The following MYH15 variants were observed in gnomAD, a reference collection of about 807,000 sequenced individuals.
MYH15 encodes myosin-15.
MYH15 carries 227 observed loss-of-function variants against 240.5 expected under a neutral mutation model. The ratio of observed to expected loss-of-function variants is 0.94; its 90% CI spans 0.85 to 1.05. MYH15 has a LOEUF of 1.05. MYH15 is among the 50% of genes least tolerant of loss of function. MYH15 has a pLI of 0.00. For missense variants in MYH15, 2,217 were observed against 2,247.5 expected (o/e 0.99, Z 0.27); for synonymous variants, 785 against 796.7 (o/e 0.99, Z 0.25).
chr3:108,529,004 G>T (rs1275159200), intron 1 of MYH15, among the ~76,000 whole-genome samples: 2 of 152,190 alleles, frequency 1.3e-5, no homozygotes, highest in African/African-American at 4.8e-5. Context: ...GAAGTTGTGT[G>T]TTGGGGACTG....
chr3:108,405,585 C>G, intron 32 of MYH15, 132 bp from the exon 33 acceptor site: 1 of 432,160 alleles, frequency 2.3e-6, no homozygotes, highest in Non-Finnish European at 4.1e-6. Flanking sequence ...AGCCAGGTCC[C>G]TAGAGATTGC....
intron 25 of MYH15, among the ~76,000 whole-genome samples, chr3:108,433,494 G>T (rs2082798425): frequency 6.6e-6 from 1 of 152,176 alleles, no homozygotes; most frequent in South Asian, 2.1e-4. Flanking sequence ...TGAGATTTGA[G>T]AGGGGCCAGG....
intron 37 of MYH15, 35 bp downstream of exon 37, chr3:108,391,725 G>A: frequency 6.3e-7 from 1 of 1,589,300 alleles, no homozygotes; most frequent in Non-Finnish European, 8.6e-7. Flanking sequence ...TTGAATTGGG[G>A]ACTGTCAAGC....
chr3:108,496,435 C>T (rs1363654430), intron 6 of MYH15, among the ~76,000 whole-genome samples: 2 of 152,192 alleles, frequency 1.3e-5, no homozygotes, highest in Admixed American at 6.5e-5. Context: ...ATCTACCTAT[C>T]TACCATATCT....
intron 21 of MYH15, among the ~76,000 whole-genome samples, chr3:108,445,885 C>G (rs1474627468): frequency 1.3e-5 from 2 of 152,034 alleles, no homozygotes; most frequent in African/African-American, 4.8e-5. Context: ...AAAAACATAG[C>G]AGTTGGAATC....
intron 1 of MYH15, among the ~76,000 whole-genome samples, chr3:108,510,147 C>T (rs1485157539): frequency 1.3e-5 from 2 of 152,148 alleles, no homozygotes; most frequent in African/African-American, 4.8e-5. Flanking sequence ...TCTGGCCATT[C>T]CTGCAGGTGT....
chr3:108,453,867 C>T, intron 21 of MYH15, 139 bp downstream of exon 21: 1 of 786,302 alleles, frequency 1.3e-6, no homozygotes, highest in Non-Finnish European at 1.9e-6. Context: ...CTTTTGTTAT[C>T]TCATGATTTA....
At chr3:108,500,337 C>T in intron 3 of MYH15, 63 bp from the exon 4 acceptor site, 1 of 1,516,746 alleles carries the variant, frequency 6.6e-7, no homozygotes, top group Non-Finnish European at 8.9e-7. Flanking sequence ...TTTGTCAGCT[C>T]TTCCAGTGTC....
upstream of MYH15, among the ~76,000 whole-genome samples, chr3:108,531,791 A>AATAAATAC (rs1431819818): frequency 3.3e-5 from 5 of 151,326 alleles, no homozygotes; most frequent in Middle Eastern, 6.9e-3. Context: ...TAAATAAATA[A>AATAAATAC]ATAAATAAAT....
At chr3:108,526,832 A>G (rs2083676223) in intron 1 of MYH15, among the ~76,000 whole-genome samples, 1 of 152,106 alleles carries the variant, frequency 6.6e-6, no homozygotes, top group Non-Finnish European at 1.5e-5. Context: ...GTGGCTGAGG[A>G]AAAGGGTGAG....
chr3:108,407,080 A>G (rs1326496304), intron 32 of MYH15, among the ~76,000 whole-genome samples: 3 of 152,224 alleles, frequency 2.0e-5, no homozygotes, highest in Non-Finnish European at 2.9e-5. Context: ...CCACACTGCC[A>G]ACGAAAAGGA....
intron 1 of MYH15, among the ~76,000 whole-genome samples, chr3:108,522,877 T>C (rs765378257): frequency 2.6e-5 from 4 of 152,044 alleles, no homozygotes; most frequent in Non-Finnish European, 1.5e-5. Flanking sequence ...TAGAATGTAT[T>C]AGGTGATACA....
At chr3:108,520,133 G>T (rs540511014) in intron 1 of MYH15, among the ~76,000 whole-genome samples, 105 of 152,220 alleles carry the variant, frequency 6.9e-4, no homozygotes, top group Non-Finnish European at 9.7e-4. Flanking sequence ...GTCTAGCAGG[G>T]ACCAAGACTT....
In MYH15 at chr3:108,444,773, ACTT is replaced by A. The variant is rs751136504; in HGVS notation, c.2519_2521del (p.Glu840del). 3.8e-5 allele frequency: 61 copies of A among 1,613,898 alleles called. No homozygotes were observed. The highest frequency in any genetic ancestry group is 1.9e-4 in the South Asian group (17 of 91,088). ...TGCACACTCTTCCTTCAGTCCAGCT[ACTT>A]CTTCTCCTACTTCTGAAGATTTAAC... On this transcript the variant is annotated inframe_deletion, in exon 22 of 41. Coordinates refer to ENST00000693548, the MANE Select transcript of MYH15 (RefSeq NM_014981.3).
At chr3:108,479,174 T>C (rs1476574978) in intron 11 of MYH15, among the ~76,000 whole-genome samples, 1 of 152,232 alleles carries the variant, frequency 6.6e-6, no homozygotes, top group Admixed American at 6.5e-5. Context: ...GTTGTAAAGA[T>C]AGCAATATGT....
At chr3:108,446,586 T>G (rs1325615340) in intron 21 of MYH15, among the ~76,000 whole-genome samples, 1 of 152,052 alleles carries the variant, frequency 6.6e-6, no homozygotes, top group Non-Finnish European at 1.5e-5. Context: ...AAAGCACCAG[T>G]AACCATCCCT....
chr3:108,472,811 A>G (rs907408687), intron 12 of MYH15, among the ~76,000 whole-genome samples: 1 of 152,160 alleles, frequency 6.6e-6, no homozygotes, highest in East Asian at 1.9e-4. Flanking sequence ...TTGCTCACTA[A>G]TTAATCATTT....
chr3:108,395,200 CG>C (rs2082450696), intron 35 of MYH15, among the ~76,000 whole-genome samples: 1 of 152,120 alleles, frequency 6.6e-6, no homozygotes. Flanking sequence ...GCCTGGGAGG[CG>C]GGGGTTGCAG....
At chr3:108,396,375 TC>T (rs35715511) in intron 35 of MYH15, among the ~76,000 whole-genome samples, 108,613 of 152,052 alleles carry the variant, frequency 0.71, 39,203 homozygotes, top group Middle Eastern at 0.78. Context: ...ATGAAACTGT[TC>T]CACCTCAGAT....
Sources: gnomAD v4.1 joint callset for allele counts (sites outside exome capture counted in the v4.1 genomes callset) on GRCh38, gnomAD v4.1.1 for gene constraint, MANE v1.5 for transcripts, NCBI Gene and HGNC (gene_info 2026-07-23, HGNC 2026-07-21) for gene names.